FGGY: variants seen among roughly 807,000 people sequenced by gnomAD.
FGGY encodes FGGY carbohydrate kinase domain containing.
FGGY carries 72 observed loss-of-function variants against 71.3 expected under a neutral mutation model. The ratio of observed to expected loss-of-function variants is 1.01; its 90% CI spans 0.84 to 1.23. The LOEUF (loss-of-function observed/expected upper bound fraction) is 1.23. Ranked by LOEUF, FGGY falls within the 50% of genes most tolerant of loss-of-function variation. FGGY has a pLI of 0.00. For synonymous variants in FGGY, 251 were observed against 250.3 expected, an observed-to-expected ratio of 1.00 and a Z score of -0.02; for missense variants, 668 against 682.3, an observed-to-expected ratio of 0.98 and a Z score of 0.23.
At position 59,530,948 on chromosome 1, in the gene FGGY, T is replaced by C. The variant is rs756975364; in HGVS notation, c.799+18509T>C. The stretch of plus-strand genomic sequence containing the variant: ...AAGACGGGACTGTTGTAAGAGACCT[T>C]GAAGGCCAGAACTGACGCAGTTCCA... On this transcript the variant is annotated intron_variant, in intron 7 of 15. Transcript: ENST00000303721. Among the ~76,000 whole-genome samples the C allele has an allele frequency of 3.9e-5, 6 of 152,230 alleles. 1 individual carries two copies. Among genetic ancestry groups the C allele is most frequent in the Middle Eastern group, 3.4e-3 (1 of 294 alleles).
chr1:59,675,478 C>G (rs539285479), intron 14 of FGGY, among the ~76,000 whole-genome samples: 1 of 152,142 alleles, frequency 6.6e-6, no homozygotes, highest in Non-Finnish European at 1.5e-5. Flanking sequence ...ACACACTATC[C>G]AAGCCTCTGA....
At chr1:59,340,702 C>G (rs1229526961) in intron 3 of FGGY, among the ~76,000 whole-genome samples, 1 of 152,040 alleles carries the variant, frequency 6.6e-6, no homozygotes, top group African/African-American at 2.4e-5. Flanking sequence ...GGAATTTTAG[C>G]CAATAACGTT....
chr1:59,578,820 C>G (rs2096131686), intron 8 of FGGY, among the ~76,000 whole-genome samples: 2 of 152,214 alleles, frequency 1.3e-5, no homozygotes, highest in South Asian at 4.1e-4. Context: ...TCGTCCCTCT[C>G]CTACATCAGC....
At chr1:59,551,731 T>C (rs2095611341) in intron 7 of FGGY, among the ~76,000 whole-genome samples, 1 of 152,202 alleles carries the variant, frequency 6.6e-6, no homozygotes. Context: ...TTACTACTCA[T>C]TTCTAAGCTT....
intron 8 of FGGY, among the ~76,000 whole-genome samples, chr1:59,566,183 C>G (rs538352289): frequency 6.4e-4 from 97 of 152,006 alleles, no homozygotes; most frequent in African/African-American, 2.3e-3. Context: ...TTGTCCTTTT[C>G]CAGAAGTTTG....
At chr1:59,537,076 A>T (rs79417846) in intron 7 of FGGY, among the ~76,000 whole-genome samples, 16,539 of 151,218 alleles carry the variant, frequency 0.11, 1,033 homozygotes, top group South Asian at 0.28. Flanking sequence ...TGCAGATGAC[A>T]TGATTGTATA....
intron 2 of FGGY, among the ~76,000 whole-genome samples, chr1:59,334,252 C>T (rs1162928634): frequency 1.3e-5 from 2 of 152,136 alleles, no homozygotes; most frequent in African/African-American, 4.8e-5. Context: ...AAGCAGTTCT[C>T]CTGCCTCAGC....
chr1:59,336,985 ATATGTATATGTACATG>A (rs1267437818), intron 2 of FGGY, among the ~76,000 whole-genome samples: 2 of 150,212 alleles, frequency 1.3e-5, no homozygotes, highest in East Asian at 1.9e-4. Context: ...TAGGAAATAT[ATATGTATATGTACATG>A]TATGTATATG....
intron 6 of FGGY, among the ~76,000 whole-genome samples, chr1:59,493,947 T>C (rs922846028): frequency 6.6e-6 from 1 of 152,210 alleles, no homozygotes; most frequent in Middle Eastern, 3.2e-3. Context: ...TTTCTTAGTT[T>C]ACAGCTAAGA....
At chr1:59,299,174 T>C (rs1569825629) in intron 1 of FGGY, among the ~76,000 whole-genome samples, 1 of 151,792 alleles carries the variant, frequency 6.6e-6, no homozygotes, top group African/African-American at 2.4e-5. Flanking sequence ...TAAGTATGAG[T>C]GGGCTGGAGA....
chr1:59,724,452 C>G (rs1235844256), intron 14 of FGGY, among the ~76,000 whole-genome samples: 1 of 151,970 alleles, frequency 6.6e-6, no homozygotes, highest in African/African-American at 2.4e-5. Context: ...CTGCTGCACT[C>G]CAGCCTGGGC....
chr1:59,303,719 A>G (rs1173416732), intron 1 of FGGY, among the ~76,000 whole-genome samples: 2 of 152,106 alleles, frequency 1.3e-5, no homozygotes, highest in Non-Finnish European at 2.9e-5. Context: ...TCCTACCAAC[A>G]GTGTACAATG....
intron 6 of FGGY, among the ~76,000 whole-genome samples, chr1:59,494,291 G>T (rs1452810337): frequency 6.6e-6 from 1 of 152,208 alleles, no homozygotes; most frequent in Non-Finnish European, 1.5e-5. Context: ...GGTAGGGAAG[G>T]CTTCTCTAAG....
intron 10 of FGGY, among the ~76,000 whole-genome samples, chr1:59,635,459 C>T (rs1014243669): frequency 1.3e-5 from 2 of 151,450 alleles, no homozygotes; most frequent in South Asian, 2.1e-4. Flanking sequence ...TAGGCCTATA[C>T]GTTCTTATTG....
intron 6 of FGGY, among the ~76,000 whole-genome samples, chr1:59,477,337 G>T (rs1029240447): frequency 6.6e-6 from 1 of 152,136 alleles, no homozygotes; most frequent in Non-Finnish European, 1.5e-5. Context: ...GACCTTTTAA[G>T]TTTCCCAGCA....
intron 8 of FGGY, among the ~76,000 whole-genome samples, chr1:59,562,451 G>C (rs1208114988): frequency 1.3e-5 from 2 of 152,282 alleles, no homozygotes; most frequent in Non-Finnish European, 2.9e-5. Context: ...CCCCCTAAAG[G>C]CTTTTGTTCC....
chr1:59,339,084 C>T (rs2050153495), intron 2 of FGGY, among the ~76,000 whole-genome samples: 1 of 152,098 alleles, frequency 6.6e-6, no homozygotes, highest in Non-Finnish European at 1.5e-5. Context: ...TTGTTTCATG[C>T]ACAAAATCAT....
At chr1:59,444,102 C>T (rs2070652545) in intron 5 of FGGY, among the ~76,000 whole-genome samples, 1 of 152,126 alleles carries the variant, frequency 6.6e-6, no homozygotes. Flanking sequence ...GGCTGGGGGT[C>T]TGAAGATGTT....
chr1:59,707,365 C>G (rs188297821), intron 14 of FGGY, among the ~76,000 whole-genome samples: 3 of 152,300 alleles, frequency 2.0e-5, no homozygotes, highest in African/African-American at 7.2e-5. Flanking sequence ...TGCCTTGCCT[C>G]TGCTGGGAAT....
Sources: gnomAD v4.1 joint callset for allele counts (sites outside exome capture counted in the v4.1 genomes callset) on GRCh38, gnomAD v4.1.1 for gene constraint, MANE v1.5 for transcripts, NCBI Gene and HGNC (gene_info 2026-07-23, HGNC 2026-07-21) for gene names.